DNAH10: variants seen among roughly 807,000 people sequenced by gnomAD.
The protein encoded by DNAH10 is dynein axonemal heavy chain 10.
In DNAH10, 348 loss-of-function variants were observed where a neutral mutation model predicts 506.6. The ratio of observed to expected loss-of-function variants is 0.69; its 90% CI spans 0.63 to 0.75. The LOEUF is 0.75. DNAH10 is among the 30% of genes least tolerant of loss of function. The pLI is 0.00. For synonymous variants in DNAH10, 2,059 were observed against 2,198.6 expected, an observed-to-expected ratio of 0.94 and a Z score of 1.78; for missense variants, 5,179 against 5,787.1, an observed-to-expected ratio of 0.89 and a Z score of 3.41.
intron 52 of DNAH10, among the ~76,000 whole-genome samples, chr12:123,888,116 G>A (rs952898073): frequency 3.9e-5 from 6 of 152,196 alleles, no homozygotes; most frequent in African/African-American, 7.2e-5. Flanking sequence ...GGAGGGGCAG[G>A]AGGATTGCTT....
In DNAH10 at chr12:123,879,203, C is replaced by G. The variant is rs550383980; in HGVS notation, c.8373-61C>G. On this transcript the variant is annotated intron_variant, in intron 48 of 78. Transcript: ENST00000673944. ...TGTCTGTCTGTCTGAATGTCACAGC[C>G]GTCAGCCCTGGTATCCTTCAGGTGA... The G allele has an allele frequency of 2.1e-6, 3 of 1,416,192 alleles. No homozygotes were observed. The South Asian group carries it at 3.7e-5, about 18-fold the overall frequency. The allele number at this position is 1,416,192 out of a possible 1,614,324, so 87.7% of individuals were successfully genotyped here.
At chr12:123,905,266 A>G (rs1953723250) in intron 57 of DNAH10, among the ~76,000 whole-genome samples, 1 of 152,146 alleles carries the variant, frequency 6.6e-6, no homozygotes, top group African/African-American at 2.4e-5. Context: ...CTTACTGATG[A>G]GTTTGTTAAA....
Position 123,931,427 on chromosome 12 carries a change from G to T in DNAH10, c.12871G>T (p.Ala4291Ser), listed in dbSNP as rs1163233425. ...NAEIGYYTQA[A>S]RDMWAHLLEL... ...TGAGATTGGCTATTACACGCAGGCG[G>T]CTCGAGACATGTGGGCTCACCTGCT... is the stretch of plus-strand genomic sequence containing the variant. Residue 4291 changes from alanine to serine, a missense_variant, in exon 74 of 79, where the codon GCT becomes TCT. Physicochemically the swap from Ala to Ser is moderately conservative, Grantham distance 99. Around this residue, in one of 3 missense-constraint regions of DNAH10, gnomAD observed 4,844 missense variants for 5,430.5 expected, o/e 0.89. Coordinates refer to ENST00000673944, the MANE Select transcript of DNAH10 (RefSeq NM_001372106.1). The T allele has an allele frequency of 1.9e-6, 3 of 1,613,932 alleles. No homozygotes were observed.
chr12:123,934,507 TG>T, intron 77 of DNAH10, 113 bp from the exon 78 acceptor site: 1 of 1,344,112 alleles, frequency 7.4e-7, no homozygotes, highest in Non-Finnish European at 1.0e-6. Context: ...CCCAATGCGC[TG>T]GGGAGGAGGC....
Position 123,813,922 on chromosome 12 carries a change from C to T in DNAH10, c.3780+10C>T, listed in dbSNP as rs1402096229. The stretch of plus-strand genomic sequence containing the variant: ...AATGTATAACCTCTTTGTAAGTCAA[C>T]TTGTATTTTCTTATTCATTTAACAA... On this transcript the variant is annotated intron_variant, in intron 21 of 78. Coordinates refer to ENST00000673944, the MANE Select transcript of DNAH10 (RefSeq NM_001372106.1). 6.4e-7 allele frequency: 1 copy of T among 1,565,044 alleles called. No individual in the cohort carries two copies. The highest frequency in any genetic ancestry group is 1.4e-5 in the African/African-American group (1 of 72,276).
chr12:123,897,622 G>C, intron 54 of DNAH10, 148 bp from the exon 55 acceptor site: 1 of 748,644 alleles, frequency 1.3e-6, no homozygotes. Context: ...CTACTTGGGA[G>C]GCTGAGGTGG....
intron 52 of DNAH10, among the ~76,000 whole-genome samples, chr12:123,892,942 G>C (rs140479362): frequency 6.6e-6 from 1 of 152,226 alleles, no homozygotes; most frequent in South Asian, 2.1e-4. Flanking sequence ...CTGCTTCGGA[G>C]TTACAGGCAA....
In DNAH10 at chr12:123,848,002, A is replaced by C. The variant is rs774543830; in HGVS notation, c.5856A>C (p.Ala1952=). 3.1e-6 allele frequency: 5 copies of C among 1,613,872 alleles called. No individual in the cohort carries two copies. The highest frequency in any genetic ancestry group is 4.2e-6 in the Non-Finnish European group (5 of 1,179,856). ...TAGGTGGGGCCCCCGCCGGCCCAGC[A>C]GGAACCGGCAAAACCGAGACCACCA... ...MYLGGAPAGP[A]GTGKTETTKD... The change falls in exon 33 of 79, where the codon GCA becomes GCC. Residue 1952 remains alanine, a synonymous_variant. Coordinates refer to ENST00000673944, the MANE Select transcript of DNAH10 (RefSeq NM_001372106.1).
At chr12:123,886,388 G>A (rs2137111057) in intron 51 of DNAH10, among the ~76,000 whole-genome samples, 1 of 152,300 alleles carries the variant, frequency 6.6e-6, no homozygotes, top group Non-Finnish European at 1.5e-5. Context: ...GGCTGCACTC[G>A]GGAGGGGTGA....
At chr12:123,817,695 C>G (rs960992185) in intron 21 of DNAH10, among the ~76,000 whole-genome samples, 1 of 152,048 alleles carries the variant, frequency 6.6e-6, no homozygotes, top group Non-Finnish European at 1.5e-5. Context: ...TAAGTTCTTT[C>G]GTGTCTTTAT....
chr12:123,811,940 TGTTA>T (rs1958952277), intron 19 of DNAH10, among the ~76,000 whole-genome samples: 1 of 152,052 alleles, frequency 6.6e-6, no homozygotes, highest in Non-Finnish European at 1.5e-5. Flanking sequence ...CCCCGCCTAG[TGTTA>T]GTATTACTGT....
Position 123,914,485 on chromosome 12 carries a change from G to A in DNAH10, c.10509G>A (p.Arg3503=), listed in dbSNP as rs1270393166. ...NRIWQNDILE[R]EIPLSQPFRL... ...TTTGGCAAAATGACATCCTGGAGCG[G>A]GAGATCCCCCTGAGCCAGCCTTTCC... Residue 3503 remains arginine (R), a synonymous_variant, in exon 61 of 79, where the codon CGG becomes CGA. Coordinates refer to ENST00000673944, the MANE Select transcript of DNAH10 (RefSeq NM_001372106.1). 1 of 1,613,798 alleles carries A rather than the reference G, an allele frequency of 6.2e-7. No homozygotes were observed. The highest frequency in any genetic ancestry group is 2.2e-5 in the East Asian group (1 of 44,880).
chr12:123,884,684 C>A (rs1280525607), intron 51 of DNAH10, among the ~76,000 whole-genome samples: 1 of 152,140 alleles, frequency 6.6e-6, no homozygotes, highest in Non-Finnish European at 1.5e-5. Context: ...GTTATGATTT[C>A]AACAAAGGAA....
At chr12:123,887,837 T>C (rs925812274) in intron 52 of DNAH10, among the ~76,000 whole-genome samples, 5 of 152,056 alleles carry the variant, frequency 3.3e-5, no homozygotes, top group South Asian at 4.2e-4. Context: ...CTCCGCCTCC[T>C]GGGTTCACAC....
At chr12:123,807,060 G>C (rs184928702) in intron 18 of DNAH10, among the ~76,000 whole-genome samples, 1 of 152,094 alleles carries the variant, frequency 6.6e-6, no homozygotes, top group Admixed American at 6.6e-5. Flanking sequence ...GAGCCACCGC[G>C]CCTGGCCCTG....
chr12:123,848,632 T>G, intron 33 of DNAH10, 98 bp from the exon 34 acceptor site: 1 of 1,481,610 alleles, frequency 6.7e-7, no homozygotes, highest in Non-Finnish European at 9.1e-7. Context: ...ATCAGTGATC[T>G]CATTGTTTGC....
intron 23 of DNAH10, 31 bp downstream of exon 23, chr12:123,819,281 G>A (rs1186096852): frequency 1.4e-5 from 22 of 1,521,022 alleles, no homozygotes; most frequent in Non-Finnish European, 2.0e-5. Context: ...CTTACTGAGC[G>A]ATCTGAGTAG....
chr12:123,875,334 G>A lies in DNAH10; in HGVS notation c.8042G>A (p.Arg2681Gln), dbSNP rs200270614. ...AAGGAGCTGAACTGTAAAAGCATTCGAGACCTTGGCTTTATTGCTGCAATG... is the reference window on the plus strand; with the variant it reads ...AAGGAGCTGAACTGTAAAAGCATTCAAGACCTTGGCTTTATTGCTGCAATG... ...RGKELNCKSI[R>Q]DLGFIAAMGK... Residue 2681 changes from arginine to glutamine, a missense_variant, in exon 47 of 79, where the codon CGA becomes CAA. Transcript: ENST00000673944. The A allele has an allele frequency of 6.8e-6, 11 of 1,613,944 alleles. No homozygotes were observed. Among genetic ancestry groups the A allele is most frequent in the African/African-American group, 2.7e-5 (2 of 75,048 alleles).
intron 67 of DNAH10, 85 bp from the exon 68 acceptor site, chr12:123,924,965 A>C (rs1172654860): frequency 3.2e-6 from 5 of 1,550,204 alleles, no homozygotes; most frequent in Non-Finnish European, 4.4e-6. Context: ...GTCCCTTTCC[A>C]GTGGCTTTTG....
Sources: allele counts gnomAD v4.1 joint callset (sites outside exome capture counted in the v4.1 genomes callset), GRCh38; gene constraint gnomAD v4.1.1; regional missense constraint gnomAD v4.1.1; transcripts MANE v1.5; gene names NCBI Gene and HGNC (gene_info 2026-07-23, HGNC 2026-07-21).